NUP98: variants seen among roughly 807,000 people sequenced by gnomAD.
NUP98 encodes nucleoporin 98 and 96 precursor, also known as nuclear pore complex protein Nup98-Nup96.
Under a neutral mutation model 191.9 loss-of-function variants are expected in NUP98, and 26 were observed. The ratio of observed to expected loss-of-function variants is 0.14; its 90% CI spans 0.10 to 0.19. The LOEUF (loss-of-function observed/expected upper bound fraction) is 0.19, where lower values mean the gene tolerates loss of function less well. Among genes scored for constraint, NUP98 ranks in the 10% least tolerant of loss-of-function variants. The pLI, the probability that NUP98 is intolerant of heterozygous loss-of-function variation, is 1.00. For synonymous variants in NUP98, 808 were observed against 778.4 expected, an observed-to-expected ratio of 1.04 and a Z score of -0.63; for missense variants, 1,941 against 2,178.8, an observed-to-expected ratio of 0.89 and a Z score of 2.17.
intron 13 of NUP98, among the ~76,000 whole-genome samples, chr11:3,734,110 A>G (rs143256033): frequency 3.0e-3 from 455 of 151,528 alleles, no homozygotes; most frequent in African/African-American, 0.011. Context: ...ATCTCGGCTC[A>G]CTGCAACCTC....
In NUP98 at chr11:3,771,769, T is replaced by G; in HGVS notation, c.763A>C (p.Asn255His). The G allele has an allele frequency of 6.2e-7, 1 of 1,614,190 alleles. No homozygotes were observed. The highest frequency in any genetic ancestry group is 1.7e-5 in the Admixed American group (1 of 60,008). The change falls in exon 7 of 33, where the codon AAC becomes CAC. Residue 255 changes from asparagine (N) to histidine (H), a missense_variant. Asn to His is a moderately conservative substitution (Grantham distance 68). Around this residue, in one of 6 missense-constraint regions of NUP98, gnomAD observed 181 missense variants for 228.0 expected, o/e 0.79. Coordinates refer to ENST00000324932, the MANE Select transcript of NUP98 (RefSeq NM_016320.5). ...TTNSGFAYGQ[N>H]KTAFGTSTTG... ...TTACTAGTTCCAAAGGCAGTTTTGT[T>G]CTGACCATATGCAAAGCCTGAATTA...
chr11:3,722,480 G>A (rs1351501458), intron 16 of NUP98, among the ~76,000 whole-genome samples: 3 of 150,034 alleles, frequency 2.0e-5, no homozygotes, highest in African/African-American at 7.5e-5. Flanking sequence ...TATATATAAT[G>A]GCAATAAGAA....
chr11:3,759,879 C>T (rs1447607671), intron 10 of NUP98, among the ~76,000 whole-genome samples: 1 of 151,748 alleles, frequency 6.6e-6, no homozygotes, highest in Non-Finnish European at 1.5e-5. Flanking sequence ...CACTATGTTG[C>T]CTAGGCTGGA....
chr11:3,703,703 A>C (rs2078777786), intron 22 of NUP98, among the ~76,000 whole-genome samples: 2 of 152,190 alleles, frequency 1.3e-5, no homozygotes, highest in Admixed American at 1.3e-4. Flanking sequence ...GCACATATAA[A>C]AGTAAGATCA....
chr11:3,736,137 G>A (rs185940708), intron 12 of NUP98, among the ~76,000 whole-genome samples: 1 of 151,162 alleles, frequency 6.6e-6, no homozygotes, highest in African/African-American at 2.4e-5. Context: ...TCGCCATGTT[G>A]CCCAGGCTGG....
At chr11:3,740,875 G>GCGGCGTGACGTCGGCT (rs1564869696) in intron 12 of NUP98, among the ~76,000 whole-genome samples, 1 of 151,130 alleles carries the variant, frequency 6.6e-6, no homozygotes, top group Admixed American at 6.6e-5. Flanking sequence ...CTGGAGTGTA[G>GCGGCGTGACGTCGGCT]CGGCGTGACG....
At chr11:3,708,889 T>C (rs543906467) in intron 20 of NUP98, among the ~76,000 whole-genome samples, 2 of 152,336 alleles carry the variant, frequency 1.3e-5, no homozygotes, top group Non-Finnish European at 2.9e-5. Flanking sequence ...GGCAGCATCA[T>C]ATTTATTTCC....
At chr11:3,676,484 A>G in intron 32 of NUP98, 25 bp downstream of exon 32, 1 of 1,607,542 alleles carries the variant, frequency 6.2e-7, no homozygotes, top group East Asian at 2.2e-5. Context: ...AGAAGGCAGA[A>G]AGAGTGAGGA....
chr11:3,786,701 A>G (rs1419774133), intron 1 of NUP98, among the ~76,000 whole-genome samples: 1 of 152,228 alleles, frequency 6.6e-6, no homozygotes, highest in Non-Finnish European at 1.5e-5. Context: ...ACTGTTTTAC[A>G]TATCTTAACT....
At chr11:3,751,592 C>T (rs1308986070) in intron 11 of NUP98, among the ~76,000 whole-genome samples, 1 of 152,152 alleles carries the variant, frequency 6.6e-6, no homozygotes, top group East Asian at 1.9e-4. Context: ...AGAGCACTGA[C>T]TCATGCCTAT....
chr11:3,700,223 G>A (rs1016859356), intron 24 of NUP98, among the ~76,000 whole-genome samples: 12 of 145,926 alleles, frequency 8.2e-5, no homozygotes, highest in Non-Finnish European at 1.3e-4. Flanking sequence ...GTGTGGTGGC[G>A]CGCGCCTATA....
intron 11 of NUP98, among the ~76,000 whole-genome samples, chr11:3,751,287 G>A (rs2134429034): frequency 6.6e-6 from 1 of 152,280 alleles, no homozygotes; most frequent in East Asian, 1.9e-4. Flanking sequence ...GAAACCAGGA[G>A]GCGGAGGCTG....
intron 18 of NUP98, among the ~76,000 whole-genome samples, chr11:3,716,225 T>C (rs1189668789): frequency 1.3e-5 from 2 of 152,206 alleles, no homozygotes; most frequent in African/African-American, 2.4e-5. Flanking sequence ...CACTTAGGTA[T>C]TTTATCCATT....
chr11:3,764,115 G>A (rs760231836), intron 8 of NUP98, among the ~76,000 whole-genome samples: 2 of 151,880 alleles, frequency 1.3e-5, no homozygotes, highest in Non-Finnish European at 2.9e-5. Context: ...ACCCATCAGT[G>A]ATTACTCCCC....
intron 1 of NUP98, among the ~76,000 whole-genome samples, chr11:3,796,214 A>G (rs970275504): frequency 1.3e-5 from 2 of 152,158 alleles, no homozygotes; most frequent in East Asian, 1.9e-4. Flanking sequence ...TTATTCTACT[A>G]TAATACTTCA....
At chr11:3,726,106 T>C (rs1338345131) in intron 14 of NUP98, among the ~76,000 whole-genome samples, 3 of 152,136 alleles carry the variant, frequency 2.0e-5, no homozygotes, top group African/African-American at 7.2e-5. Context: ...CATGGAACAT[T>C]TATAAACTAA....
Position 3,702,516 on chromosome 11 carries a change from C to A in NUP98, c.3459G>T (p.Gln1153His). The A allele has an allele frequency of 6.2e-6, 10 of 1,614,072 alleles. No individual in the cohort carries two copies. The highest frequency in any genetic ancestry group is 8.5e-6 in the Non-Finnish European group (10 of 1,180,018). The change falls in exon 23 of 33, where the codon CAG becomes CAT. Residue 1153 changes from glutamine (Q) to histidine (H), a missense_variant. Coordinates refer to ENST00000324932, the MANE Select transcript of NUP98 (RefSeq NM_016320.5). ...ATCCAAACTCCATGGAATCGGCAAT[C>A]TGATGATTTTCTAGTTCATGAGAGC... Reference protein sequence around the residue: ...LNGSHELENHQIADSMEFGFL... With the variant: ...LNGSHELENHHIADSMEFGFL...
At chr11:3,757,573 C>A (rs769507359) in intron 10 of NUP98, among the ~76,000 whole-genome samples, 1 of 151,954 alleles carries the variant, frequency 6.6e-6, no homozygotes, top group Non-Finnish European at 1.5e-5. Flanking sequence ...CCGAGGCTGG[C>A]AGATCACCTG....
At chr11:3,778,782 G>A (rs2081844081) in intron 4 of NUP98, 91 bp downstream of exon 4, 3 of 1,329,274 alleles carry the variant, frequency 2.3e-6, no homozygotes, top group Admixed American at 4.2e-5. Context: ...GGAAAAGAAG[G>A]TAGATGAACA....
Sources: gnomAD v4.1 joint callset for allele counts (sites outside exome capture counted in the v4.1 genomes callset) on GRCh38, gnomAD v4.1.1 for gene constraint, gnomAD v4.1.1 regional missense constraint, MANE v1.5 for transcripts, NCBI Gene and HGNC (gene_info 2026-07-23, HGNC 2026-07-21) for gene names.